SEMA6A: variants seen among roughly 807,000 people sequenced by gnomAD.
The protein encoded by SEMA6A is semaphorin 6A.
SEMA6A carries 25 observed loss-of-function variants against 96.8 expected under a neutral mutation model. The ratio of observed to expected loss-of-function variants is 0.26; its 90% CI spans 0.19 to 0.36. The LOEUF (loss-of-function observed/expected upper bound fraction) is 0.36. Ranked by LOEUF, SEMA6A falls within the 10% of genes least tolerant of loss-of-function variation. SEMA6A has a pLI of 1.00. For synonymous variants in SEMA6A, 612 were observed against 518.0 expected (o/e 1.18, Z -2.46); for missense variants, 1,363 against 1,323.1 (o/e 1.03, Z -0.47).
intron 2 of SEMA6A, chr5:116,502,557 A>G: frequency 6.4e-6 from 3 of 471,518 alleles, no homozygotes; most frequent in South Asian, 3.3e-5. Context: ...GCCTGGATTT[A>G]TATTTCTAAG....
At chr5:116,514,888 G>T (rs1758593926) in intron 1 of SEMA6A, among the ~76,000 whole-genome samples, 1 of 152,266 alleles carries the variant, frequency 6.6e-6, no homozygotes, top group East Asian at 1.9e-4. Flanking sequence ...CAGTGGATGG[G>T]CCCCATAGCT....
In SEMA6A at chr5:116,447,377, A is replaced by G. The variant is rs1754294441; in HGVS notation, c.2329T>C (p.Trp777Arg). The change falls in exon 19 of 19, where the codon TGG becomes CGG. Residue 777 changes from tryptophan (W) to arginine (R), a missense_variant. Physicochemically the swap from Trp to Arg is moderately radical, Grantham distance 101. Transcript: ENST00000343348. ...TTGATGAGGTTCTGGTTCCTCTCCC[A>G]CTCGCGGCTGCCGCGGCTGGGCTTC... is the stretch of plus-strand genomic sequence containing the variant. ...KRKPSRGSRE[W>R]ERNQNLINAC... is the part of the protein sequence containing the mutation. The G allele has an allele frequency of 6.2e-7, 1 of 1,613,834 alleles. No homozygotes were observed. The highest frequency in any genetic ancestry group is 8.5e-7 in the Non-Finnish European group (1 of 1,179,876).
rs145377328 is a variant in SEMA6A, at chr5:116,492,897, T to C, written c.445-1067A>G. Among the ~76,000 whole-genome samples, 24 of 152,326 alleles carry C rather than the reference T, an allele frequency of 1.6e-4. No individual in the cohort carries two copies. In the East Asian group the frequency reaches 4.4e-3, roughly 28 times the overall value. On this transcript the variant is annotated intron_variant, in intron 6 of 18. Coordinates refer to ENST00000343348, the MANE Select transcript of SEMA6A (RefSeq NM_020796.5). ...TAAAAAGCACTTAAGACAGAAGCTG[T>C]CGTTTTCCCTGCAGCCAAATACATT...
At chr5:116,566,321 A>T (rs985735810) in intron 1 of SEMA6A, among the ~76,000 whole-genome samples, 9 of 152,178 alleles carry the variant, frequency 5.9e-5, no homozygotes, top group African/African-American at 1.9e-4. Context: ...TCTACAGATG[A>T]CAATTATAGG....
chr5:116,458,301 A>G (rs1755144873), intron 18 of SEMA6A, among the ~76,000 whole-genome samples: 1 of 152,208 alleles, frequency 6.6e-6, no homozygotes, highest in Non-Finnish European at 1.5e-5. Flanking sequence ...TGTTCTGTTA[A>G]TAAGATCACA....
chr5:116,506,073 AT>A lies in SEMA6A; in HGVS notation c.-38-1092del, dbSNP rs1227237792. ...GCTATTTTACAGTAATCCATCAATC[AT>A]TTAAGATTTGTGTGTAGAAATGTCA... On this transcript the variant is annotated intron_variant, in intron 1 of 18. Transcript: ENST00000343348. 2.6e-5 allele frequency among the ~76,000 whole-genome samples: 4 copies of A among 152,320 alleles called. No individual in the cohort carries two copies. In the East Asian group the frequency reaches 7.7e-4, roughly 29 times the overall value.
rs79961707 is a variant in SEMA6A at position 116,546,747 on chromosome 5, C to G, written c.-39+27438G>C. 3.0e-3 allele frequency among the ~76,000 whole-genome samples: 455 copies of G among 152,304 alleles called. 3 individuals are homozygous for G. Among genetic ancestry groups the G allele is most frequent in the African/African-American group, 0.01 (420 of 41,568 alleles). On this transcript the variant is annotated intron_variant, in intron 1 of 18. Transcript: ENST00000343348. The stretch of plus-strand genomic sequence containing the variant: ...CTCATTACAGATCCTGATCTTAACT[C>G]CCCTCCAATGAACATAACAGCACAA...
At chr5:116,469,117 T>A (rs781407191) in intron 17 of SEMA6A, 24 of 152,204 alleles carry the variant, frequency 1.6e-4, no homozygotes, top group Non-Finnish European at 3.1e-4. Flanking sequence ...CTATAGTGAC[T>A]TCTATGGAGC....
chr5:116,488,763 T>C, intron 8 of SEMA6A, 125 bp downstream of exon 8: 1 of 1,186,924 alleles, frequency 8.4e-7, no homozygotes, highest in Non-Finnish European at 1.1e-6. Context: ...GCAATTTACA[T>C]GTTTCTGTCT....
chr5:116,483,071 C>T (rs1756869955), intron 10 of SEMA6A, among the ~76,000 whole-genome samples: 2 of 152,190 alleles, frequency 1.3e-5, no homozygotes, highest in African/African-American at 4.8e-5. Context: ...GGGAAACCCA[C>T]ACAAATTTTA....
At chr5:116,571,032 C>T (rs1761188574) in intron 1 of SEMA6A, among the ~76,000 whole-genome samples, 1 of 152,034 alleles carries the variant, frequency 6.6e-6, no homozygotes, top group African/African-American at 2.4e-5. Context: ...TTTGGAAGAA[C>T]TTGAGGGGTG....
chr5:116,533,197 C>T lies in SEMA6A; in HGVS notation c.-38-28215G>A, dbSNP rs182920787. Among the ~76,000 whole-genome samples the T allele has an allele frequency of 3.3e-3, 506 of 152,182 alleles. 5 individuals are homozygous for T. Among genetic ancestry groups the T allele is most frequent in the Middle Eastern group, 6.9e-3 (2 of 288 alleles). ...CTGTACAACTAAATACACACATGTG[C>T]CCTGGAACCCTCTGAATGGGCTTTC... On this transcript the variant is annotated intron_variant, in intron 1 of 18. Coordinates refer to ENST00000343348, the MANE Select transcript of SEMA6A (RefSeq NM_020796.5).
chr5:116,523,435 TCCC>T (rs1343434771), intron 1 of SEMA6A, among the ~76,000 whole-genome samples: 1 of 152,120 alleles, frequency 6.6e-6, no homozygotes, highest in Non-Finnish European at 1.5e-5. Context: ...TGCCTCAGCC[TCCC>T]GAGTCTGAGA....
intron 18 of SEMA6A, among the ~76,000 whole-genome samples, chr5:116,461,288 T>C (rs1480296609): frequency 6.6e-6 from 1 of 152,156 alleles, no homozygotes. Flanking sequence ...TCAGTTAATT[T>C]TCCATTGTTG....
In SEMA6A at chr5:116,491,725, A is replaced by C. The variant is rs1443587422; in HGVS notation, c.535+15T>G. On this transcript the variant is annotated intron_variant, in intron 7 of 18. Coordinates refer to ENST00000343348, the MANE Select transcript of SEMA6A (RefSeq NM_020796.5). ...AGCAAAAGCAAGTGCAACGAGGAGAAATCAGGTCGCTTACCTGCAAACAGT... is the reference window on the plus strand; with the variant it reads ...AGCAAAAGCAAGTGCAACGAGGAGACATCAGGTCGCTTACCTGCAAACAGT... 3.1e-6 allele frequency: 5 copies of C among 1,607,484 alleles called. No individual in the cohort carries two copies. The East Asian group carries it at 8.9e-5, about 29-fold the overall frequency.
chr5:116,481,649 C>T (rs1756778842), intron 11 of SEMA6A, among the ~76,000 whole-genome samples: 1 of 152,082 alleles, frequency 6.6e-6, no homozygotes, highest in East Asian at 1.9e-4. Flanking sequence ...AGACAGACAC[C>T]ATGGGTTGTT....
At chr5:116,528,692 G>C (rs1279269018) in intron 1 of SEMA6A, among the ~76,000 whole-genome samples, 1 of 152,184 alleles carries the variant, frequency 6.6e-6, no homozygotes, top group Non-Finnish European at 1.5e-5. Context: ...AGTTGTGATT[G>C]ATGGTACACA....
In SEMA6A at chr5:116,444,308, A is replaced by G. The variant is rs1043678686; in HGVS notation, c.*2305T>C. ...CAAAACTAATGGACTTTTGGAACAAAGGGCTCTCACCCACCCTCAGCTAAG... is the reference window on the plus strand; with the variant it reads ...CAAAACTAATGGACTTTTGGAACAAGGGGCTCTCACCCACCCTCAGCTAAG... On this transcript the variant is annotated 3_prime_UTR_variant, in exon 19 of 19. Transcript: ENST00000343348. 4.6e-5 allele frequency: 7 copies of G among 152,200 alleles called. No homozygotes were observed. Among genetic ancestry groups the G allele is most frequent in the African/African-American group, 1.4e-4 (6 of 41,448 alleles). The allele number at this position is 152,200 out of a possible 1,614,324, so 9.4% of individuals were successfully genotyped here.
intron 1 of SEMA6A, among the ~76,000 whole-genome samples, chr5:116,525,439 G>A (rs912290995): frequency 6.6e-6 from 1 of 152,092 alleles, no homozygotes; most frequent in Non-Finnish European, 1.5e-5. Context: ...TATCCTTTGA[G>A]TTTCACTGGA....
Sources: gnomAD v4.1 joint callset for allele counts (sites outside exome capture counted in the v4.1 genomes callset) on GRCh38, gnomAD v4.1.1 for gene constraint, MANE v1.5 for transcripts, NCBI Gene and HGNC (gene_info 2026-07-23, HGNC 2026-07-21) for gene names.